The following PRKCE variants were observed in gnomAD, a reference collection of about 807,000 sequenced individuals.
PRKCE encodes the protein protein kinase C epsilon type.
In PRKCE, 16 loss-of-function variants were observed where a neutral mutation model predicts 85.4. The observed-to-expected ratio is 0.19, with a 90% confidence interval of 0.13 to 0.28. PRKCE has a LOEUF of 0.28. Among genes scored for constraint, PRKCE ranks in the 10% least tolerant of loss-of-function variants. The pLI, the probability that PRKCE is intolerant of heterozygous loss-of-function variation, is 1.00. For missense variants in PRKCE, 573 were observed against 975.2 expected, an observed-to-expected ratio of 0.59 and a Z score of 5.49; for synonymous variants, 388 against 371.5, an observed-to-expected ratio of 1.04 and a Z score of -0.51.
At position 45,960,781 on chromosome 2, in the gene PRKCE, A is replaced by G. The variant is rs1005420844; in HGVS notation, c.413-15648A>G. On this transcript the variant is annotated intron_variant, in intron 2 of 14. Coordinates refer to ENST00000306156, the MANE Select transcript of PRKCE (RefSeq NM_005400.3). Reference sequence around the variant, plus strand: ...TTTGCTTTAGAGATGCCAAGCACCCATCAGCCTTTGACTGAAAAATTCCCC... The same window carrying G: ...TTTGCTTTAGAGATGCCAAGCACCCGTCAGCCTTTGACTGAAAAATTCCCC... 3.3e-5 allele frequency among the ~76,000 whole-genome samples: 5 copies of G among 152,206 alleles called. No homozygotes were observed. The South Asian group carries it at 8.3e-4, about 25-fold the overall frequency.
At chr2:45,760,297 T>G (rs921737041) in intron 1 of PRKCE, among the ~76,000 whole-genome samples, 1 of 152,060 alleles carries the variant, frequency 6.6e-6, no homozygotes, top group African/African-American at 2.4e-5. Context: ...AAGTGGCTAG[T>G]ATGGTTGCTC....
chr2:45,819,449 A>C lies in PRKCE; in HGVS notation c.349-23551A>C, dbSNP rs557432905. Among the ~76,000 whole-genome samples the C allele has an allele frequency of 1.3e-5, 2 of 152,326 alleles. 1 individual carries two copies. The highest frequency in any genetic ancestry group is 4.8e-5 in the African/African-American group (2 of 41,580). Reference sequence around the variant, plus strand: ...GAGTCAAGGTCCATAGCATGGACCCAAGAGGACACATTGTCCTCAGTTGCA... The same window carrying C: ...GAGTCAAGGTCCATAGCATGGACCCCAGAGGACACATTGTCCTCAGTTGCA... On this transcript the variant is annotated intron_variant, in intron 1 of 14. Transcript: ENST00000306156.
At position 46,139,700 on chromosome 2, in the gene PRKCE, G is replaced by A. The variant is rs1014581862; in HGVS notation, c.1593-5393G>A. 6.6e-6 allele frequency among the ~76,000 whole-genome samples: 1 copy of A among 151,044 alleles called. No homozygotes were observed. The highest frequency in any genetic ancestry group is 2.4e-5 in the African/African-American group (1 of 41,040). ...TATATATGCGTATATATATGTGTGT[G>A]TATATATATACATATATACATATAC... On this transcript the variant is annotated intron_variant, in intron 11 of 14. Coordinates refer to ENST00000306156, the MANE Select transcript of PRKCE (RefSeq NM_005400.3). This position sits in a 1 kb window ranked among gnomAD's most constrained non-coding sequence, Gnocchi z 5.2.
intron 11 of PRKCE, among the ~76,000 whole-genome samples, chr2:46,119,279 GA>G (rs869062567): frequency 1.2e-3 from 175 of 147,600 alleles, no homozygotes; most frequent in African/African-American, 3.9e-3. Flanking sequence ...TTGTGAAAGA[GA>G]AAAAAAAAGG....
intron 1 of PRKCE, among the ~76,000 whole-genome samples, chr2:45,699,236 G>A (rs976937581): frequency 2.0e-5 from 3 of 152,096 alleles, no homozygotes; most frequent in East Asian, 3.9e-4. Flanking sequence ...GTCACTCCCT[G>A]CAGGGCCCAG....
chr2:46,136,518 C>A (rs1675020180), intron 11 of PRKCE, among the ~76,000 whole-genome samples: 3 of 152,286 alleles, frequency 2.0e-5, no homozygotes, highest in Non-Finnish European at 4.4e-5. Context: ...GTTCAGGTCC[C>A]AGTCACCTCC....
chr2:45,799,153 G>C (rs1416016268), intron 1 of PRKCE, among the ~76,000 whole-genome samples: 1 of 150,046 alleles, frequency 6.7e-6, no homozygotes, highest in Non-Finnish European at 1.5e-5. Context: ...GCAACAGAGT[G>C]GGACTCCGTT....
chr2:46,120,376 T>C (rs72808762), intron 11 of PRKCE, among the ~76,000 whole-genome samples: 16,058 of 152,156 alleles, frequency 0.11, 1,014 homozygotes, highest in Middle Eastern at 0.24. Context: ...AGGCCAAGGA[T>C]ACTGGTAAAC....
chr2:46,093,991 A>C (rs115180151), intron 11 of PRKCE, among the ~76,000 whole-genome samples: 13 of 152,238 alleles, frequency 8.5e-5, no homozygotes, highest in African/African-American at 3.1e-4. Context: ...GAAGTTAATA[A>C]ATATCTCTTT....
intron 13 of PRKCE, 142 bp downstream of exon 13, chr2:46,151,371 C>T (rs1676615517): frequency 2.2e-6 from 2 of 899,498 alleles, no homozygotes; most frequent in African/African-American, 3.4e-5. Context: ...CACCTCTGCT[C>T]ATCACCACGG....
chr2:46,015,427 C>A (rs1706040923), intron 10 of PRKCE, among the ~76,000 whole-genome samples: 1 of 152,086 alleles, frequency 6.6e-6, no homozygotes, highest in African/African-American at 2.4e-5. Context: ...GCATTTCCTG[C>A]CAGGCCTGGG....
chr2:45,989,105 G>A (rs1025909374), intron 6 of PRKCE, among the ~76,000 whole-genome samples: 1 of 152,182 alleles, frequency 6.6e-6, no homozygotes, highest in Admixed American at 6.5e-5. Context: ...ACCTCCTGAC[G>A]GAGCCTGCAG....
At chr2:45,884,988 T>C (rs1229039735) in intron 2 of PRKCE, among the ~76,000 whole-genome samples, 1 of 68,580 alleles carries the variant, frequency 1.5e-5, no homozygotes, top group African/African-American at 4.3e-5. Context: ...TATATATATA[T>C]ATATATATAT....
chr2:45,773,155 C>T lies in PRKCE; in HGVS notation c.349-69845C>T, dbSNP rs1685476416. Among the ~76,000 whole-genome samples, 3 of 152,316 alleles carry T rather than the reference C, an allele frequency of 2.0e-5. No individual in the cohort carries two copies. In the South Asian group the frequency reaches 6.2e-4, roughly 32 times the overall value. On this transcript the variant is annotated intron_variant, in intron 1 of 14. Transcript: ENST00000306156. ...AGGGTGGGTCTTTGAAGGTCATAAA[C>T]CCAAGAAGATCCATGTTGGCTCCTG...
intron 1 of PRKCE, among the ~76,000 whole-genome samples, chr2:45,744,926 A>G (rs1214840921): frequency 6.6e-6 from 1 of 152,122 alleles, no homozygotes; most frequent in Non-Finnish European, 1.5e-5. Context: ...TAGTTTTTCA[A>G]TCCTGGCGAT....
At chr2:45,906,996 C>T (rs1181830825) in intron 2 of PRKCE, among the ~76,000 whole-genome samples, 1 of 152,198 alleles carries the variant, frequency 6.6e-6, no homozygotes, top group Non-Finnish European at 1.5e-5. Context: ...AATGCAGTGT[C>T]TCCCCATAAT....
chr2:46,173,054 A>G (rs1373118102), intron 14 of PRKCE, among the ~76,000 whole-genome samples: 1 of 152,258 alleles, frequency 6.6e-6, no homozygotes, highest in Non-Finnish European at 1.5e-5. Flanking sequence ...GGCTCATGGA[A>G]ACCCTGAAGC....
intron 1 of PRKCE, among the ~76,000 whole-genome samples, chr2:45,718,413 C>T (rs551702924): frequency 6.9e-6 from 1 of 144,250 alleles, no homozygotes; most frequent in East Asian, 2.1e-4. Flanking sequence ...GGCGTGATCT[C>T]GGCTCACTGC....
chr2:45,662,510 A>G (rs1358749770), intron 1 of PRKCE, among the ~76,000 whole-genome samples: 1 of 152,132 alleles, frequency 6.6e-6, no homozygotes, highest in Non-Finnish European at 1.5e-5. Flanking sequence ...CAGCTGTGAA[A>G]TCAGGAGTTA....
Sources: allele counts gnomAD v4.1 joint callset (sites outside exome capture counted in the v4.1 genomes callset), GRCh38; gene constraint gnomAD v4.1.1; non-coding constraint Gnocchi (gnomAD v3.1); transcripts MANE v1.5; gene names NCBI Gene and HGNC (gene_info 2026-07-23, HGNC 2026-07-21).